NEXMIF: variants seen among roughly 807,000 people sequenced by gnomAD.
NEXMIF encodes the protein neurite extension and migration factor.
Under a neutral mutation model 62.1 loss-of-function variants are expected in NEXMIF, and 8 were observed. That is an observed-to-expected ratio of 0.13 (90% CI 0.08 to 0.23). The LOEUF (loss-of-function observed/expected upper bound fraction) is 0.23. NEXMIF is among the 10% of genes least tolerant of loss of function. The pLI is 1.00. For synonymous variants in NEXMIF, 404 were observed against 416.6 expected (o/e 0.97, Z 0.37); for missense variants, 976 against 1,113.3 (o/e 0.88, Z 1.75).
intron 1 of NEXMIF, among the ~76,000 whole-genome samples, chrX:74,746,150 A>G (rs1466417957): frequency 8.9e-6 from 1 of 112,161 alleles, no homozygotes; most frequent in African/African-American, 3.2e-5. Context: ...CTTCAAAAAC[A>G]AGGCAATTCA....
In NEXMIF at chrX:74,743,593, G is replaced by T; in HGVS notation, c.964C>A (p.Arg322=). The T allele has an allele frequency of 8.3e-7, 1 of 1,211,425 alleles. No homozygotes were observed. The highest frequency in any genetic ancestry group is 1.1e-6 in the Non-Finnish European group (1 of 895,408). The change falls in exon 3 of 4, where the codon CGA becomes AGA. Residue 322 remains arginine, a synonymous_variant. Transcript: ENST00000055682. ...IRYESFQDNV[R]DKTTLLMQED... is the part of the protein sequence containing the mutation. The stretch of plus-strand genomic sequence containing the variant: ...TGCATCAAAAGAGTAGTCTTGTCTC[G>T]AACATTGTCCTGAAAGGATTCATAT...
At chrX:74,901,597 G>A (rs1276958517) in intron 1 of NEXMIF, among the ~76,000 whole-genome samples, 3 of 111,513 alleles carry the variant, frequency 2.7e-5, no homozygotes, top group Non-Finnish European at 5.6e-5. Flanking sequence ...TGAGGCATGC[G>A]CTGTTTTATG....
intron 1 of NEXMIF, among the ~76,000 whole-genome samples, chrX:74,778,539 T>C (rs1312615308): frequency 9.0e-6 from 1 of 111,683 alleles, no homozygotes; most frequent in Non-Finnish European, 1.9e-5. Context: ...ATTTAACCCT[T>C]ACAAAAACCC....
Position 74,878,871 on chromosome X carries a change from T to C in NEXMIF, c.-48+46012A>G, listed in dbSNP as rs773029278. On this transcript the variant is annotated intron_variant, in intron 1 of 3. Coordinates refer to ENST00000055682, the MANE Select transcript of NEXMIF (RefSeq NM_001008537.3). The stretch of plus-strand genomic sequence containing the variant: ...GCTCGCGCATGGTGCGCGCACCCAC[T>C]GACCTGCGCCCACTGTCTGGCACTC... Among the ~76,000 whole-genome samples the C allele has an allele frequency of 3.5e-3, 389 of 112,444 alleles. 2 individuals are homozygous for C. Among genetic ancestry groups the C allele is most frequent in the African/African-American group, 0.012 (371 of 31,022 alleles).
At chrX:74,778,869 C>T (rs1472788999) in intron 1 of NEXMIF, among the ~76,000 whole-genome samples, 1 of 111,804 alleles carries the variant, frequency 8.9e-6, no homozygotes, top group Non-Finnish European at 1.9e-5. Flanking sequence ...TTAAATGATC[C>T]GCCCACCTCA....
Position 74,879,035 on chromosome X carries a change from T to C in NEXMIF, c.-48+45848A>G, listed in dbSNP as rs780494256. Among the ~76,000 whole-genome samples, 4 of 111,967 alleles carry C rather than the reference T, an allele frequency of 3.6e-5. No individual in the cohort carries two copies. The East Asian group carries it at 1.1e-3, about 32-fold the overall frequency. On this transcript the variant is annotated intron_variant, in intron 1 of 3. Transcript: ENST00000055682. Reference sequence around the variant, plus strand: ...TCCCTCGCATTATTTTTTATCTTTTTATATATGTTTGCACACACAAATACC... The same window carrying C: ...TCCCTCGCATTATTTTTTATCTTTTCATATATGTTTGCACACACAAATACC...
chrX:74,854,907 G>T (rs769354518), intron 1 of NEXMIF, among the ~76,000 whole-genome samples: 2 of 111,795 alleles, frequency 1.8e-5, no homozygotes, highest in Admixed American at 1.9e-4. Flanking sequence ...ACTGATGAAA[G>T]AAATGAAACA....
intron 1 of NEXMIF, among the ~76,000 whole-genome samples, chrX:74,851,437 C>T (rs374980453): frequency 1.8e-5 from 2 of 110,860 alleles, no homozygotes; most frequent in Admixed American, 1.9e-4. Context: ...GTCAAATTGC[C>T]AAAAGTCAAA....
At chrX:74,858,809 C>A (rs1031356461) in intron 1 of NEXMIF, among the ~76,000 whole-genome samples, 2 of 109,378 alleles carry the variant, frequency 1.8e-5, no homozygotes, top group African/African-American at 3.3e-5. Context: ...ATAAGATTAA[C>A]AAAGAGATTG....
At chrX:74,911,787 T>C (rs2080791175) in intron 1 of NEXMIF, among the ~76,000 whole-genome samples, 1 of 112,447 alleles carries the variant, frequency 8.9e-6, no homozygotes, top group Non-Finnish European at 1.9e-5. Flanking sequence ...TGTTATGAAA[T>C]ATCTTAACAT....
At position 74,876,318 on chromosome X, in the gene NEXMIF, T is replaced by A. The variant is rs1359694301; in HGVS notation, c.-48+48565A>T. Among the ~76,000 whole-genome samples the A allele has an allele frequency of 2.7e-5, 3 of 111,939 alleles. No individual in the cohort carries two copies. In the Admixed American group the frequency reaches 2.8e-4, roughly 11 times the overall value. ...GAGCGGTTTTGAGTGAGATTCTTAA[T>A]CCTGAGTTCTAGTTTGATTGCACTG... On this transcript the variant is annotated intron_variant, in intron 1 of 3. Transcript: ENST00000055682.
intron 1 of NEXMIF, among the ~76,000 whole-genome samples, chrX:74,909,756 C>A (rs1460199906): frequency 9.0e-6 from 1 of 111,450 alleles, no homozygotes; most frequent in East Asian, 2.8e-4. Context: ...TGGGATAGGC[C>A]CAAGGTCTCC....
At chrX:74,820,563 A>G (rs2080391590) in intron 1 of NEXMIF, among the ~76,000 whole-genome samples, 1 of 111,665 alleles carries the variant, frequency 9.0e-6, no homozygotes, top group Non-Finnish European at 1.9e-5. Flanking sequence ...GAGTATGTTC[A>G]TGATAGCACT....
chrX:74,829,712 T>C lies in NEXMIF; in HGVS notation c.-47-84015A>G, dbSNP rs756470638. Among the ~76,000 whole-genome samples the C allele has an allele frequency of 3.6e-5, 4 of 112,052 alleles. No individual in the cohort carries two copies. In the South Asian group the frequency reaches 1.5e-3, roughly 42 times the overall value. On this transcript the variant is annotated intron_variant, in intron 1 of 3. Coordinates refer to ENST00000055682, the MANE Select transcript of NEXMIF (RefSeq NM_001008537.3). ...CTTTTCTCCACATTCTTACCAGCAT[T>C]TGTTATTGCCTGTCTTTTGGATAAA...
chrX:74,896,511 C>A (rs1053527911), intron 1 of NEXMIF, among the ~76,000 whole-genome samples: 2 of 112,136 alleles, frequency 1.8e-5, no homozygotes, highest in African/African-American at 6.5e-5. Context: ...CTGGTTTGCA[C>A]GAACTGGTTT....
chrX:74,801,025 G>A (rs533374812), intron 1 of NEXMIF, among the ~76,000 whole-genome samples: 12 of 110,514 alleles, frequency 1.1e-4, no homozygotes, highest in African/African-American at 2.6e-4. Flanking sequence ...TTTTTTTGTC[G>A]CCATAGTTTT....
intron 1 of NEXMIF, among the ~76,000 whole-genome samples, chrX:74,749,035 A>G (rs2080133837): frequency 9.0e-6 from 1 of 111,638 alleles, no homozygotes; most frequent in African/African-American, 3.3e-5. Flanking sequence ...AAGACAGATA[A>G]ATGAGGCTAG....
At chrX:74,791,888 C>G (rs763594770) in intron 1 of NEXMIF, among the ~76,000 whole-genome samples, 3 of 111,073 alleles carry the variant, frequency 2.7e-5, no homozygotes, top group African/African-American at 9.8e-5. Context: ...GTCTTGATAG[C>G]GGTCTATCAA....
At chrX:74,820,659 C>T (rs2080392005) in intron 1 of NEXMIF, among the ~76,000 whole-genome samples, 1 of 111,867 alleles carries the variant, frequency 8.9e-6, no homozygotes, top group Non-Finnish European at 1.9e-5. Context: ...TCATGGAATA[C>T]TATGCATCCA....
Sources: gnomAD v4.1 joint callset for allele counts (sites outside exome capture counted in the v4.1 genomes callset) on GRCh38, gnomAD v4.1.1 for gene constraint, MANE v1.5 for transcripts, NCBI Gene and HGNC (gene_info 2026-07-23, HGNC 2026-07-21) for gene names.